OR56A3: variants seen among roughly 807,000 people sequenced by gnomAD.
OR56A3 encodes olfactory receptor family 56 subfamily A member 3, also known as olfactory receptor 56A3.
A neutral mutation model predicts 17.5 loss-of-function variants in OR56A3; 23 were observed. That is an observed-to-expected ratio of 1.32 (90% CI 0.95 to 1.87). OR56A3 has a LOEUF of 1.87. Ranked by LOEUF, OR56A3 falls within the 40% of genes most tolerant of loss-of-function variation. OR56A3 has a pLI of 0.00. For missense variants in OR56A3, 366 were observed against 380.1 expected (o/e 0.96, Z 0.31); for synonymous variants, 175 against 150.6 (o/e 1.16, Z -1.19).
the OR56A3 span, among the ~76,000 whole-genome samples, chr11:5,991,952 G>A: frequency 6.6e-6 from 1 of 152,310 alleles, no homozygotes; most frequent in African/African-American, 2.4e-5. Context: ...GCCCACAGGG[G>A]TAGGTGATTG....
At chr11:6,013,588 C>T in the OR56A3 span, among the ~76,000 whole-genome samples, 32 of 152,244 alleles carry the variant, frequency 2.1e-4, no homozygotes, top group Non-Finnish European at 4.1e-4. Context: ...TGGGCCCACT[C>T]AGCTGTGCAG....
chr11:6,021,862 C>A, the OR56A3 span: 6 of 152,114 alleles, frequency 3.9e-5, no homozygotes, highest in African/African-American at 7.2e-5. Flanking sequence ...AATATCTGCT[C>A]CTAAAGCATT....
chr11:6,017,491 T>A, the OR56A3 span, among the ~76,000 whole-genome samples: 32 of 152,110 alleles, frequency 2.1e-4, 1 homozygote, highest in Non-Finnish European at 2.9e-4. Flanking sequence ...ACCTTACAGG[T>A]CAGGAGAGAA....
At chr11:6,003,295 AT>A in the OR56A3 span, 4 of 528,336 alleles carry the variant, frequency 7.6e-6, no homozygotes, top group Non-Finnish European at 1.3e-5. Context: ...ATAAGGGAAA[AT>A]TGTAAGAAGA....
At chr11:6,011,274 G>A in the OR56A3 span, among the ~76,000 whole-genome samples, 4 of 150,742 alleles carry the variant, frequency 2.7e-5, no homozygotes, top group South Asian at 2.1e-4. Context: ...TGCATAGTCT[G>A]CCATGAAAAG....
At chr11:5,944,643 A>G (rs1279258689) in intron 1 of OR56A3, among the ~76,000 whole-genome samples, 163 bp from the exon 2 acceptor site, 2 of 152,232 alleles carry the variant, frequency 1.3e-5, no homozygotes, top group South Asian at 4.1e-4. Context: ...GTAGGAAGAC[A>G]TGTAAAACCA....
At chr11:6,005,926 A>C in the OR56A3 span, among the ~76,000 whole-genome samples, 1 of 152,222 alleles carries the variant, frequency 6.6e-6, no homozygotes, top group Non-Finnish European at 1.5e-5. Flanking sequence ...AAACACTGAG[A>C]CCATAGCAGA....
chr11:6,005,372 G>C, the OR56A3 span, among the ~76,000 whole-genome samples: 1 of 152,284 alleles, frequency 6.6e-6, no homozygotes, highest in East Asian at 1.9e-4. Context: ...CTAGTAATTA[G>C]GCATTAGGGG....
chr11:5,998,443 A>C, the OR56A3 span, among the ~76,000 whole-genome samples: 1 of 152,226 alleles, frequency 6.6e-6, no homozygotes, highest in Non-Finnish European at 1.5e-5. Context: ...AGGATAATAA[A>C]GCAAAAAAAG....
chr11:5,984,039 G>T, the OR56A3 span, among the ~76,000 whole-genome samples: 1 of 152,242 alleles, frequency 6.6e-6, no homozygotes, highest in South Asian at 2.1e-4. Flanking sequence ...GGATAATTGT[G>T]CTTGGAGTCG....
the OR56A3 span, among the ~76,000 whole-genome samples, chr11:5,960,676 G>A: frequency 6.1e-4 from 93 of 152,220 alleles, no homozygotes; most frequent in African/African-American, 1.9e-3. Flanking sequence ...CTGCCCGGCC[G>A]CCACCCCGTC....
At chr11:5,947,172 A>T in intron 2 of OR56A3, 139 bp from the exon 3 acceptor site, 1 of 618,136 alleles carries the variant, frequency 1.6e-6, no homozygotes, top group Non-Finnish European at 2.8e-6. Flanking sequence ...CCCCAGTGAC[A>T]TGACACTGAG....
the OR56A3 span, among the ~76,000 whole-genome samples, chr11:5,997,711 G>C: frequency 6.6e-6 from 1 of 152,164 alleles, no homozygotes; most frequent in African/African-American, 2.4e-5. Flanking sequence ...ACTTAGGAGA[G>C]AGAGAGCTTC....
the OR56A3 span, chr11:6,021,166 C>T: frequency 6.6e-6 from 1 of 151,994 alleles, no homozygotes; most frequent in Non-Finnish European, 1.5e-5. Context: ...GCACATTGAA[C>T]TGACCTGATA....
the OR56A3 span, chr11:6,001,240 A>T: frequency 1.3e-5 from 2 of 152,292 alleles, no homozygotes; most frequent in Non-Finnish European, 2.9e-5. Flanking sequence ...ATTTGTGCCT[A>T]GGATGGGGAC....
the OR56A3 span, among the ~76,000 whole-genome samples, chr11:5,976,631 T>C: frequency 6.6e-6 from 1 of 152,298 alleles, no homozygotes; most frequent in Middle Eastern, 3.4e-3. Flanking sequence ...ATTTTATCAA[T>C]CTTTTCAAAA....
the OR56A3 span, chr11:6,001,934 T>A: frequency 9.8e-7 from 1 of 1,022,798 alleles, no homozygotes; most frequent in African/African-American, 1.6e-5. Context: ...AACAGAAGAA[T>A]CCGAACTCAG....
At chr11:6,008,311 G>T in the OR56A3 span, among the ~76,000 whole-genome samples, 1 of 152,160 alleles carries the variant, frequency 6.6e-6, no homozygotes, top group Non-Finnish European at 1.5e-5. Context: ...ATCTTGCTAT[G>T]TAGGTGTCTG....
the OR56A3 span, among the ~76,000 whole-genome samples, chr11:5,970,513 C>A: frequency 6.6e-6 from 1 of 152,148 alleles, no homozygotes. Context: ...ACAGGGAGGA[C>A]TGATCACCTC....
Sources: gnomAD v4.1 joint callset for allele counts (sites outside exome capture counted in the v4.1 genomes callset) on GRCh38, gnomAD v4.1.1 for gene constraint, MANE v1.5 for transcripts, NCBI Gene and HGNC (gene_info 2026-07-23, HGNC 2026-07-21) for gene names.